PPME1: variants seen among roughly 807,000 people sequenced by gnomAD.
PPME1 encodes testicular secretory protein Li 39.
A neutral mutation model predicts 56.9 loss-of-function variants in PPME1; 17 were observed. That is an observed-to-expected ratio of 0.30 (90% CI 0.20 to 0.45). PPME1 has a LOEUF of 0.45. Ranked by LOEUF, PPME1 falls within the 20% of genes least tolerant of loss-of-function variation. The pLI is 1.00. For synonymous variants in PPME1, 122 were observed against 156.2 expected, an observed-to-expected ratio of 0.78 and a Z score of 1.63; for missense variants, 357 against 483.2, an observed-to-expected ratio of 0.74 and a Z score of 2.45.
chr11:74,175,348 C>A (rs1857377163), intron 1 of PPME1, among the ~76,000 whole-genome samples: 1 of 151,960 alleles, frequency 6.6e-6, no homozygotes, highest in Non-Finnish European at 1.5e-5. Flanking sequence ...CCTAAAAATA[C>A]AAAATTAGCT....
chr11:74,194,948 A>G (rs1857941760), intron 1 of PPME1, among the ~76,000 whole-genome samples: 1 of 152,234 alleles, frequency 6.6e-6, no homozygotes, highest in African/African-American at 2.4e-5. Context: ...GCAGTTCATT[A>G]TATCAGACAG....
intron 3 of PPME1, among the ~76,000 whole-genome samples, chr11:74,209,975 G>T (rs1361666647): frequency 6.6e-6 from 1 of 152,154 alleles, no homozygotes; most frequent in Non-Finnish European, 1.5e-5. Context: ...GGTGGGAGGA[G>T]TGCTTGAGCC....
intron 3 of PPME1, among the ~76,000 whole-genome samples, chr11:74,217,541 C>CAAAAA (rs61139169): frequency 5.1e-5 from 4 of 79,026 alleles, no homozygotes; most frequent in Non-Finnish European, 7.3e-5. Flanking sequence ...GACTCCGTCT[C>CAAAAA]AAAAAAAAAA....
Position 74,251,799 on chromosome 11 carries a change from G to T in PPME1, c.1142+84G>T, listed in dbSNP as rs931628031. The stretch of plus-strand genomic sequence containing the variant: ...CACTTGTAGGACTGTAAATATCTCT[G>T]CCTTACCCCTGCCTGGTTTGGTCAC... On this transcript the variant is annotated intron_variant, in intron 13 of 13. Coordinates refer to ENST00000328257, the MANE Select transcript of PPME1 (RefSeq NM_016147.3). The T allele has an allele frequency of 3.9e-6, 6 of 1,537,214 alleles. No individual in the cohort carries two copies. In the Admixed American group the frequency reaches 1.0e-4, roughly 26 times the overall value.
At chr11:74,187,353 A>G (rs758198056) in intron 1 of PPME1, among the ~76,000 whole-genome samples, 46 of 152,172 alleles carry the variant, frequency 3.0e-4, no homozygotes, top group Non-Finnish European at 4.7e-4. Flanking sequence ...ACTTAATAAT[A>G]CTCAGTGTTC....
chr11:74,207,426 A>C (rs1858355817), intron 3 of PPME1, among the ~76,000 whole-genome samples: 1 of 152,222 alleles, frequency 6.6e-6, no homozygotes, highest in Admixed American at 6.5e-5. Context: ...ACAAACAAAC[A>C]AACAACCATA....
intron 1 of PPME1, among the ~76,000 whole-genome samples, chr11:74,185,620 C>G (rs1012758599): frequency 1.1e-4 from 16 of 149,594 alleles, no homozygotes; most frequent in Admixed American, 1.1e-3. Flanking sequence ...TGTTTGAGGC[C>G]AGATCATTTT....
intron 13 of PPME1, among the ~76,000 whole-genome samples, chr11:74,252,239 G>GGT (rs1451114729): frequency 8.9e-6 from 1 of 112,348 alleles, no homozygotes; most frequent in African/African-American, 3.3e-5. Context: ...GGCTAATTTT[G>GGT]TTTTTTTTTT....
chr11:74,208,863 A>G (rs911631860), intron 3 of PPME1, among the ~76,000 whole-genome samples: 3 of 152,252 alleles, frequency 2.0e-5, no homozygotes, highest in Non-Finnish European at 2.9e-5. Context: ...AGAAAAGGTA[A>G]GCACAAAGGC....
chr11:74,202,414 T>C (rs1565381775), intron 1 of PPME1, among the ~76,000 whole-genome samples: 1 of 152,224 alleles, frequency 6.6e-6, no homozygotes, highest in Non-Finnish European at 1.5e-5. Context: ...AATAAATGTT[T>C]CACTTTTGAA....
chr11:74,231,038 ATTTG>A lies in PPME1; in HGVS notation c.644+49_644+52del, dbSNP rs763167630. The A allele has an allele frequency of 1.5e-4, 226 of 1,485,194 alleles. 1 individual carries two copies. The East Asian group carries it at 3.2e-3, about 21-fold the overall frequency. 92.0% of individuals were successfully genotyped at this position (1,485,194 alleles called of 1,614,324 possible). A position where few individuals can be genotyped will look rare whatever the true frequency, so the allele number is the denominator to read the frequency against. ...AATCTTTGTCGCCTTTATTTAATTA[ATTTG>A]TTTGTTTGTTTGCTTGCTTATTTAT... On this transcript the variant is annotated intron_variant, in intron 7 of 13. Coordinates refer to ENST00000328257, the MANE Select transcript of PPME1 (RefSeq NM_016147.3).
intron 8 of PPME1, chr11:74,237,965 A>G (rs1001258296): frequency 2.6e-5 from 4 of 152,242 alleles, no homozygotes; most frequent in Non-Finnish European, 5.9e-5. Flanking sequence ...ATATGCAGAT[A>G]GTTGAGTGAT....
chr11:74,191,688 A>G (rs1857843822), intron 1 of PPME1, among the ~76,000 whole-genome samples: 1 of 152,198 alleles, frequency 6.6e-6, no homozygotes, highest in Admixed American at 6.5e-5. Flanking sequence ...CCAGGGCTCA[A>G]AATGCCCCAG....
chr11:74,240,805 G>C (rs563880621), intron 9 of PPME1, among the ~76,000 whole-genome samples: 2 of 152,134 alleles, frequency 1.3e-5, no homozygotes, highest in African/African-American at 4.8e-5. Flanking sequence ...AATCAAGAAC[G>C]CATTTAGTAG....
In PPME1 at chr11:74,204,327, G is replaced by A. The variant is rs763641675; in HGVS notation, c.196-26G>A. Reference sequence around the variant, plus strand: ...AAAAACTTTAGTGAGCAAAAACATAGATGTTTTATCTTTAACTATTCATAC... The same window carrying A: ...AAAAACTTTAGTGAGCAAAAACATAAATGTTTTATCTTTAACTATTCATAC... On this transcript the variant is annotated intron_variant, in intron 2 of 13. Transcript: ENST00000328257. 5.2e-6 allele frequency: 8 copies of A among 1,547,198 alleles called. No homozygotes were observed. The East Asian group carries it at 1.8e-4, about 35-fold the overall frequency.
At chr11:74,193,765 AC>A (rs1164812925) in intron 1 of PPME1, among the ~76,000 whole-genome samples, 1 of 152,142 alleles carries the variant, frequency 6.6e-6, no homozygotes, top group Non-Finnish European at 1.5e-5. Flanking sequence ...AATATGTTAA[AC>A]TTGACTATTT....
chr11:74,252,430 C>T lies in PPME1; in HGVS notation c.1142+715C>T, dbSNP rs1859725159. 3 of 454,944 alleles carry T rather than the reference C, an allele frequency of 6.6e-6. No individual in the cohort carries two copies. The Admixed American group carries it at 7.0e-5, about 11-fold the overall frequency. The allele number at this position is 454,944 out of a possible 1,614,324, so 28.2% of individuals were successfully genotyped here. A position where few individuals can be genotyped will look rare whatever the true frequency, so the allele number is the denominator to read the frequency against. Reference sequence around the variant, plus strand: ...GGTTTTCTACAGTGTTGCACAGTGTCTTCCCATGGCCAGCTACTAAGCAAG... The same window carrying T: ...GGTTTTCTACAGTGTTGCACAGTGTTTTCCCATGGCCAGCTACTAAGCAAG... On this transcript the variant is annotated intron_variant, in intron 13 of 13. Coordinates refer to ENST00000328257, the MANE Select transcript of PPME1 (RefSeq NM_016147.3).
chr11:74,253,846 A>G lies in PPME1; in HGVS notation c.*336A>G. The G allele has an allele frequency of 2.2e-6, 1 of 453,292 alleles. No individual in the cohort carries two copies. The highest frequency in any genetic ancestry group is 3.7e-5 in the South Asian group (1 of 27,160). 28.1% of individuals were successfully genotyped at this position (453,292 alleles called of 1,614,324 possible). A position where few individuals can be genotyped will look rare whatever the true frequency, so the allele number is the denominator to read the frequency against. The stretch of plus-strand genomic sequence containing the variant: ...GCCCCTCTTCCTAGCATCAGGCGAT[A>G]CATCTGAGTTCAAATGTCTTCCCAG... On this transcript the variant is annotated 3_prime_UTR_variant, in exon 14 of 14. Transcript: ENST00000328257.
chr11:74,173,135 A>G (rs1468490443), intron 1 of PPME1, among the ~76,000 whole-genome samples: 2 of 152,194 alleles, frequency 1.3e-5, no homozygotes, highest in Non-Finnish European at 2.9e-5. Flanking sequence ...ATAGAAGGTA[A>G]AGTGAAGATT....
Sources: gnomAD v4.1 joint callset for allele counts (sites outside exome capture counted in the v4.1 genomes callset) on GRCh38, gnomAD v4.1.1 for gene constraint, MANE v1.5 for transcripts, NCBI Gene and HGNC (gene_info 2026-07-23, HGNC 2026-07-21) for gene names.